BANP: variants seen among roughly 807,000 people sequenced by gnomAD.
BANP encodes BTG3 associated nuclear protein, also known as protein BANP.
BANP carries 11 observed loss-of-function variants against 68.1 expected under a neutral mutation model. The ratio of observed to expected loss-of-function variants is 0.16; its 90% confidence interval spans 0.10 to 0.27. BANP has a LOEUF of 0.27. Ranked by LOEUF, BANP falls within the 10% of genes least tolerant of loss-of-function variation. The pLI, the probability that BANP is intolerant of heterozygous loss-of-function variation, is 1.00. For missense variants in BANP, 504 were observed against 722.7 expected (o/e 0.70, Z 3.47); for synonymous variants, 329 against 303.2 (o/e 1.09, Z -0.88).
intron 11 of BANP, among the ~76,000 whole-genome samples, chr16:88,061,749 T>A (rs576337931): frequency 8.6e-5 from 13 of 151,892 alleles, no homozygotes; most frequent in African/African-American, 3.1e-4. Flanking sequence ...CACCGCAACC[T>A]CTGCCTCCTG....
chr16:88,006,283 T>C lies in BANP; in HGVS notation c.655+18T>C, dbSNP rs761896974. ...CTCGGAAGGTGCGTCCAGGGCGGCT[T>C]TCCTCGGCCAGAGCGCCAGTACAAT... On this transcript the variant is annotated intron_variant, in intron 6 of 13. Transcript: ENST00000682872. The C allele has an allele frequency of 1.3e-6, 2 of 1,570,446 alleles. No homozygotes were observed. The highest frequency in any genetic ancestry group is 1.7e-6 in the Non-Finnish European group (2 of 1,158,156).
chr16:87,967,988 A>G (rs373859504), intron 1 of BANP, among the ~76,000 whole-genome samples: 18 of 147,312 alleles, frequency 1.2e-4, no homozygotes, highest in Admixed American at 1.0e-3. Context: ...TCCCGACCTC[A>G]GGTGATCCAC....
At position 88,057,038 on chromosome 16, in the gene BANP, T is replaced by C. The variant is rs1392013792; in HGVS notation, c.1312-8229T>C. ...AAAAAGTGTGATTTCTGAATAACTT[T>C]ACAAATCCTTTTGGTGGGATCCAAA... is the stretch of plus-strand genomic sequence containing the variant. On this transcript the variant is annotated intron_variant, in intron 11 of 13. Coordinates refer to ENST00000682872, the MANE Select transcript of BANP (RefSeq NM_001386991.1). The surrounding 1 kb of genome is among the most constrained non-coding windows in gnomAD (Gnocchi z 4.6). 6.6e-6 allele frequency among the ~76,000 whole-genome samples: 1 copy of C among 152,260 alleles called. No homozygotes were observed. The highest frequency in any genetic ancestry group is 2.4e-5 in the African/African-American group (1 of 41,468).
intron 11 of BANP, among the ~76,000 whole-genome samples, chr16:88,039,521 C>G (rs1305606854): frequency 6.9e-6 from 1 of 143,958 alleles, no homozygotes; most frequent in South Asian, 2.3e-4. Flanking sequence ...AAGTAAGGCA[C>G]GTCACCTTCG....
intron 12 of BANP, among the ~76,000 whole-genome samples, chr16:88,066,978 A>G (rs1392278477): frequency 6.6e-6 from 1 of 152,196 alleles, no homozygotes; most frequent in Non-Finnish European, 1.5e-5. Context: ...CGGCCTAGAC[A>G]TTTTTGGATG....
intron 11 of BANP, among the ~76,000 whole-genome samples, chr16:88,060,769 A>G (rs1567909045): frequency 1.3e-5 from 2 of 151,840 alleles, no homozygotes. Flanking sequence ...TTTCCTGGGG[A>G]CACCTGAGCA....
chr16:87,996,402 C>T (rs11640965), intron 4 of BANP, among the ~76,000 whole-genome samples: 50,428 of 151,164 alleles, frequency 0.33, 9,718 homozygotes, highest in Non-Finnish European at 0.46. Context: ...GCTGGGCCCT[C>T]GTCCGGGTGC....
intron 4 of BANP, among the ~76,000 whole-genome samples, chr16:87,987,712 CAAAAAA>C (rs66648819): frequency 1.3e-3 from 38 of 30,368 alleles, no homozygotes; most frequent in Middle Eastern, 0.036. Flanking sequence ...GACCCTAACT[CAAAAAA>C]AAAAAAAAAA....
chr16:88,046,152 G>A (rs1447274119), intron 11 of BANP, among the ~76,000 whole-genome samples: 1 of 152,254 alleles, frequency 6.6e-6, no homozygotes, highest in Non-Finnish European at 1.5e-5. Flanking sequence ...ACTCATTTGA[G>A]TGACGTCACT....
chr16:88,044,122 T>C (rs2081413302), intron 11 of BANP, among the ~76,000 whole-genome samples: 2 of 152,262 alleles, frequency 1.3e-5, no homozygotes, highest in Admixed American at 1.3e-4. Flanking sequence ...GAGCCAGTGC[T>C]GTGTGACCTG....
At chr16:88,074,533 C>T (rs985112923) in intron 13 of BANP, among the ~76,000 whole-genome samples, 2 of 152,132 alleles carry the variant, frequency 1.3e-5, no homozygotes, top group African/African-American at 2.4e-5. Context: ...GCAGCACCTC[C>T]ACCAGCCTCT....
chr16:88,027,009 G>A (rs1447857302), intron 7 of BANP, among the ~76,000 whole-genome samples: 3 of 152,274 alleles, frequency 2.0e-5, no homozygotes, highest in African/African-American at 7.2e-5. Context: ...AGGACATGAA[G>A]GAAGGGAAGG....
At chr16:88,015,193 G>A (rs1889367976) in intron 6 of BANP, among the ~76,000 whole-genome samples, 1 of 132,838 alleles carries the variant, frequency 7.5e-6, no homozygotes, top group Admixed American at 7.6e-5. Context: ...CTCTGCCCGT[G>A]CTCCTTCTGC....
rs1225062038 is a variant in BANP at position 88,036,935 on chromosome 16, G to A, written c.1273-1038G>A. ...AGGAGTTGGGGGCCTGAGTGGCTGC[G>A]AGGTGCAGGATCCCAGCAGCACCTT... On this transcript the variant is annotated intron_variant, in intron 10 of 13. Coordinates refer to ENST00000682872, the MANE Select transcript of BANP (RefSeq NM_001386991.1). This position sits in a 1 kb window ranked among gnomAD's most constrained non-coding sequence, Gnocchi z 4.2. Among the ~76,000 whole-genome samples the A allele has an allele frequency of 5.3e-5, 8 of 152,166 alleles. No homozygotes were observed. The highest frequency in any genetic ancestry group is 2.1e-4 in the South Asian group (1 of 4,826).
chr16:88,030,072 C>T (rs1315163043), intron 8 of BANP, among the ~76,000 whole-genome samples: 1 of 152,214 alleles, frequency 6.6e-6, no homozygotes, highest in Non-Finnish European at 1.5e-5. Context: ...GCTAAACTAT[C>T]CCTAGAATAA....
At position 88,015,246 on chromosome 16, in the gene BANP, G is replaced by A. The variant is rs8055857; in HGVS notation, c.656-3182G>A. On this transcript the variant is annotated intron_variant, in intron 6 of 13. Transcript: ENST00000682872. ...CCCTCTGCCTGTGCCCCTTCAGCTCGTCTCCTCTGTCCCTCTGTCCATGCC... is the reference window on the plus strand; with the variant it reads ...CCCTCTGCCTGTGCCCCTTCAGCTCATCTCCTCTGTCCCTCTGTCCATGCC... Among the ~76,000 whole-genome samples the A allele has an allele frequency of 6.2e-3, 868 of 139,622 alleles. 11 individuals carry two copies. The highest frequency in any genetic ancestry group is 0.023 in the African/African-American group (811 of 35,864). The allele number at this position is 139,622 out of a possible 152,430, so 91.6% of individuals were successfully genotyped here.
chr16:87,971,982 C>T (rs145449389), intron 1 of BANP, among the ~76,000 whole-genome samples: 19 of 152,058 alleles, frequency 1.2e-4, no homozygotes, highest in African/African-American at 3.6e-4. Context: ...TTTATGGAGT[C>T]GGGGTCTCGG....
At chr16:87,964,735 G>T (rs2059749184) in intron 1 of BANP, among the ~76,000 whole-genome samples, 1 of 152,228 alleles carries the variant, frequency 6.6e-6, no homozygotes, top group South Asian at 2.1e-4. Flanking sequence ...CTGAGGGGCG[G>T]CCTGGGTCCA....
intron 11 of BANP, among the ~76,000 whole-genome samples, chr16:88,044,942 A>G (rs534763809): frequency 1.3e-5 from 2 of 152,334 alleles, no homozygotes; most frequent in South Asian, 2.1e-4. Flanking sequence ...AGATCGCGCC[A>G]CTGCACTCCA....
Sources: gnomAD v4.1 joint callset for allele counts (sites outside exome capture counted in the v4.1 genomes callset) on GRCh38, gnomAD v4.1.1 for gene constraint, Gnocchi (gnomAD v3.1) non-coding constraint, MANE v1.5 for transcripts, NCBI Gene and HGNC (gene_info 2026-07-23, HGNC 2026-07-21) for gene names.